Variants in NRXN3 observed in about 807,000 individuals in gnomAD.
The protein encoded by NRXN3 is neurexin III.
In NRXN3, 32 loss-of-function variants were observed where a neutral mutation model predicts 137.6. The ratio of observed to expected loss-of-function variants is 0.23; its 90% CI spans 0.18 to 0.31. The LOEUF is 0.31. Ranked by LOEUF, NRXN3 falls within the 10% of genes least tolerant of loss-of-function variation. NRXN3 has a pLI of 1.00. For synonymous variants in NRXN3, 798 were observed against 784.5 expected, an observed-to-expected ratio of 1.02 and a Z score of -0.29; for missense variants, 1,574 against 2,062.5, an observed-to-expected ratio of 0.76 and a Z score of 4.59.
chr14:78,968,073 T>G, intron 13 of NRXN3, 100 bp from the exon 14 acceptor site: 1 of 125,004 alleles, frequency 8.0e-6, no homozygotes, highest in Non-Finnish European at 1.6e-5. Flanking sequence ...CCCAGCTATC[T>G]TATTCCTTAT....
intron 4 of NRXN3, among the ~76,000 whole-genome samples, chr14:78,371,273 A>T (rs953671497): frequency 1.3e-5 from 2 of 152,212 alleles, no homozygotes; most frequent in African/African-American, 4.8e-5. Flanking sequence ...GGTGTCAGAT[A>T]CTTCAGATAG....
chr14:79,234,986 C>G (rs912083648), intron 15 of NRXN3, among the ~76,000 whole-genome samples: 1 of 152,052 alleles, frequency 6.6e-6, no homozygotes, highest in Non-Finnish European at 1.5e-5. Context: ...GTGAGTTTCT[C>G]AAGTGTCTTA....
intron 14 of NRXN3, among the ~76,000 whole-genome samples, chr14:78,973,378 A>G (rs1055603811): frequency 1.3e-5 from 2 of 152,190 alleles, no homozygotes; most frequent in African/African-American, 2.4e-5. Context: ...GGAGCAGGAC[A>G]TTTAAGTACT....
At chr14:79,109,260 G>A (rs2053036644) in intron 15 of NRXN3, among the ~76,000 whole-genome samples, 1 of 151,828 alleles carries the variant, frequency 6.6e-6, no homozygotes, top group African/African-American at 2.4e-5. Flanking sequence ...CATGTTTGTG[G>A]ATTCAGAAGT....
chr14:79,003,119 C>A (rs1413594455), intron 15 of NRXN3, among the ~76,000 whole-genome samples: 4 of 152,162 alleles, frequency 2.6e-5, no homozygotes, highest in Non-Finnish European at 4.4e-5. Flanking sequence ...GCTTGAACTA[C>A]AGGAACCCAT....
chr14:78,985,887 C>T (rs969886661), intron 14 of NRXN3, among the ~76,000 whole-genome samples: 1 of 152,164 alleles, frequency 6.6e-6, no homozygotes, highest in Non-Finnish European at 1.5e-5. Context: ...CCACATACCT[C>T]CTTTCATCTC....
At chr14:79,002,577 C>T (rs757583817) in intron 15 of NRXN3, among the ~76,000 whole-genome samples, 20 of 152,014 alleles carry the variant, frequency 1.3e-4, no homozygotes, top group Non-Finnish European at 2.4e-4. Context: ...CATAGTATTC[C>T]GTGGTGTATA....
chr14:78,194,318 T>C (rs1361045760), intron 1 of NRXN3, among the ~76,000 whole-genome samples: 3 of 147,526 alleles, frequency 2.0e-5, no homozygotes, highest in Non-Finnish European at 3.0e-5. Context: ...CCCAGGAGAG[T>C]TGGGAGAAGG....
intron 19 of NRXN3, among the ~76,000 whole-genome samples, chr14:79,754,702 T>A (rs140054308): frequency 2.6e-5 from 4 of 151,894 alleles, no homozygotes; most frequent in African/African-American, 9.7e-5. Flanking sequence ...CACTCTGATG[T>A]GTTCTGGCTC....
chr14:78,548,120 G>C (rs7144570), intron 4 of NRXN3, among the ~76,000 whole-genome samples: 46,090 of 151,988 alleles, frequency 0.3, 7,203 homozygotes, highest in Middle Eastern at 0.35. Context: ...CCATAAAACA[G>C]AAAAGTAAAA....
At chr14:78,444,141 G>A (rs556460336) in intron 4 of NRXN3, among the ~76,000 whole-genome samples, 2 of 152,296 alleles carry the variant, frequency 1.3e-5, no homozygotes, top group Non-Finnish European at 2.9e-5. Context: ...AGTGGGAAGG[G>A]AAATAAACCA....
chr14:78,568,596 T>C (rs1175119557), intron 4 of NRXN3, among the ~76,000 whole-genome samples: 2 of 152,250 alleles, frequency 1.3e-5, no homozygotes, highest in African/African-American at 2.4e-5. Flanking sequence ...CCTACAACAG[T>C]ATTGATTTTC....
At chr14:78,597,914 A>T (rs2097170985) in intron 4 of NRXN3, among the ~76,000 whole-genome samples, 1 of 152,196 alleles carries the variant, frequency 6.6e-6, no homozygotes, top group South Asian at 2.1e-4. Flanking sequence ...TCTCAGAAAG[A>T]CAGGAAGGGT....
intron 16 of NRXN3, among the ~76,000 whole-genome samples, chr14:79,606,104 C>G (rs898541280): frequency 2.0e-5 from 3 of 152,142 alleles, no homozygotes; most frequent in Admixed American, 6.5e-5. Flanking sequence ...CAAAAACCCA[C>G]TCAGGAGGGA....
At chr14:78,825,196 C>CAAAAAAA (rs11335474) in intron 10 of NRXN3, among the ~76,000 whole-genome samples, 41 of 75,792 alleles carry the variant, frequency 5.4e-4, no homozygotes, top group South Asian at 2.5e-3. Flanking sequence ...GACTCTGCCT[C>CAAAAAAA]AAAAAAAAAA....
chr14:79,624,709 C>T (rs972253237), intron 16 of NRXN3, among the ~76,000 whole-genome samples: 4 of 152,028 alleles, frequency 2.6e-5, no homozygotes, highest in African/African-American at 4.8e-5. Flanking sequence ...CAACTTTCTA[C>T]TCTGTGTTAC....
intron 11 of NRXN3, among the ~76,000 whole-genome samples, chr14:78,959,298 A>G (rs1785067588): frequency 6.6e-6 from 1 of 152,208 alleles, no homozygotes; most frequent in African/African-American, 2.4e-5. Flanking sequence ...CTTTAAAGGT[A>G]AGTGTTCTTA....
intron 15 of NRXN3, among the ~76,000 whole-genome samples, chr14:79,217,935 C>A (rs568819487): frequency 1.3e-5 from 2 of 152,272 alleles, no homozygotes; most frequent in African/African-American, 4.8e-5. Context: ...CTAATCTAAA[C>A]AGAAATTCAT....
At chr14:79,042,629 A>G (rs2099626861) in intron 15 of NRXN3, among the ~76,000 whole-genome samples, 1 of 152,230 alleles carries the variant, frequency 6.6e-6, no homozygotes, top group Non-Finnish European at 1.5e-5. Context: ...GTATTATTAA[A>G]TGTTAATTTT....
Sources: allele counts gnomAD v4.1 joint callset (sites outside exome capture counted in the v4.1 genomes callset), GRCh38; gene constraint gnomAD v4.1.1; transcripts MANE v1.5; gene names NCBI Gene and HGNC (gene_info 2026-07-23, HGNC 2026-07-21).